The following RPS6KA3 variants were observed in gnomAD, a reference collection of about 807,000 sequenced individuals.
RPS6KA3 encodes ribosomal protein S6 kinase alpha-3.
Under a neutral mutation model 67.2 loss-of-function variants are expected in RPS6KA3, and 4 were observed. The ratio of observed to expected loss-of-function variants is 0.06; its 90% confidence interval spans 0.03 to 0.14. The LOEUF (loss-of-function observed/expected upper bound fraction) is 0.14, where lower values mean the gene tolerates loss of function less well. Among genes scored for constraint, RPS6KA3 ranks in the 10% least tolerant of loss-of-function variants. The pLI is 1.00. For synonymous variants in RPS6KA3, 182 were observed against 183.7 expected (o/e 0.99, Z 0.07); for missense variants, 204 against 559.0 (o/e 0.36, Z 6.40).
chrX:20,159,178 A>T (rs768758255), intron 20 of RPS6KA3, among the ~76,000 whole-genome samples: 1 of 112,280 alleles, frequency 8.9e-6, no homozygotes, highest in Non-Finnish European at 1.9e-5. Context: ...ATTTGGCTCA[A>T]ATTCCATCAC....
At position 20,187,877 on chromosome X, in the gene RPS6KA3, C is replaced by T. The variant is rs1431378578; in HGVS notation, c.725G>A (p.Arg242His). The part of the protein sequence containing the change: ...VEYMAPEVVN[R>H]RGHTQSADWW... The stretch of plus-strand genomic sequence containing the variant: ...GTCAGCACTCTGAGTATGACCTCGA[C>T]GATTAACTACTTCTGGAGCCATATA... Residue 242 changes from arginine (R) to histidine (H), a missense_variant, in exon 9 of 22, where the codon CGT (arginine) becomes CAT (histidine). By Grantham distance (29) the Arg-to-His change is conservative. Around this residue, in one of 4 missense-constraint regions of RPS6KA3, gnomAD observed 76 missense variants for 250.3 expected, o/e 0.30. Coordinates refer to ENST00000379565, the MANE Select transcript of RPS6KA3 (RefSeq NM_004586.3). 1 of 1,202,602 alleles carries T rather than the reference C, an allele frequency of 8.3e-7. No homozygotes were observed. Among genetic ancestry groups the T allele is most frequent in the Non-Finnish European group, 1.1e-6 (1 of 888,883 alleles).
intron 16 of RPS6KA3, among the ~76,000 whole-genome samples, chrX:20,168,917 A>G (rs766858660): frequency 8.9e-6 from 1 of 111,938 alleles, no homozygotes; most frequent in African/African-American, 3.2e-5. Flanking sequence ...CAGTGGTGCG[A>G]TAACTGCTCA....
At chrX:20,192,453 A>G (rs764038176) in intron 7 of RPS6KA3, among the ~76,000 whole-genome samples, 28 of 109,910 alleles carry the variant, frequency 2.5e-4, no homozygotes, top group Non-Finnish European at 4.6e-4. Context: ...ATATCTGATC[A>G]TAGAACTGGG....
intron 4 of RPS6KA3, among the ~76,000 whole-genome samples, chrX:20,198,240 T>C (rs1179737332): frequency 1.8e-5 from 2 of 112,075 alleles, no homozygotes; most frequent in Non-Finnish European, 3.8e-5. Context: ...TAGTAGAAGA[T>C]GTGCAAGTGG....
At chrX:20,174,918 C>T (rs1281364896) in intron 14 of RPS6KA3, among the ~76,000 whole-genome samples, 1 of 110,108 alleles carries the variant, frequency 9.1e-6, no homozygotes, top group Non-Finnish European at 1.9e-5. Flanking sequence ...ATGCCCAACT[C>T]ATTTTTGTAT....
At chrX:20,235,736 T>G (rs1158937786) in intron 1 of RPS6KA3, among the ~76,000 whole-genome samples, 3 of 111,202 alleles carry the variant, frequency 2.7e-5, no homozygotes, top group African/African-American at 9.8e-5. Flanking sequence ...AGCACAAACT[T>G]TCAGGAAGGC....
chrX:20,176,987 A>C lies in RPS6KA3; in HGVS notation c.934+9T>G. On this transcript the variant is annotated intron_variant, in intron 11 of 21. Transcript: ENST00000379565. ...CATACAACATAAACAAATTAGTTAA[A>C]ATTTTTACCTAATCTGTTTGCAGGA... is the stretch of plus-strand genomic sequence containing the variant. 1.7e-6 allele frequency: 2 copies of C among 1,162,379 alleles called. No individual in the cohort carries two copies. Among genetic ancestry groups the C allele is most frequent in the Non-Finnish European group, 2.4e-6 (2 of 850,685 alleles).
chrX:20,237,351 ACTTGAGCTAC>A (rs2069438705), intron 1 of RPS6KA3, among the ~76,000 whole-genome samples: 1 of 111,633 alleles, frequency 9.0e-6, no homozygotes, highest in Non-Finnish European at 1.9e-5. Flanking sequence ...CCTCAGTCTA[ACTTGAGCTAC>A]ACGTACGTTT....
intron 2 of RPS6KA3, among the ~76,000 whole-genome samples, chrX:20,217,374 C>A (rs748250372): frequency 2.7e-5 from 3 of 112,553 alleles, no homozygotes; most frequent in Non-Finnish European, 5.6e-5. Flanking sequence ...TTATCGAAAA[C>A]CTAATATTGT....
chrX:20,246,383 G>A (rs2069691070), intron 1 of RPS6KA3, among the ~76,000 whole-genome samples: 1 of 110,677 alleles, frequency 9.0e-6, no homozygotes, highest in African/African-American at 3.3e-5. Flanking sequence ...ATCTTGTCAG[G>A]GGAAACGACA....
At chrX:20,190,590 CTT>C (rs1472946938) in intron 7 of RPS6KA3, among the ~76,000 whole-genome samples, 4 of 111,304 alleles carry the variant, frequency 3.6e-5, no homozygotes, top group African/African-American at 9.8e-5. Flanking sequence ...AATGTTTAAT[CTT>C]ATGTTTATAG....
intron 15 of RPS6KA3, 101 bp from the exon 16 acceptor site, chrX:20,169,592 G>GT (rs1569198637): frequency 1.8e-6 from 1 of 564,048 alleles, no homozygotes; most frequent in Non-Finnish European, 3.2e-6. Context: ...TGTAAATAGT[G>GT]TATAAATAAG....
chrX:20,219,978 C>A (rs976875907), intron 2 of RPS6KA3, among the ~76,000 whole-genome samples: 6 of 111,236 alleles, frequency 5.4e-5, no homozygotes, highest in African/African-American at 2.0e-4. Flanking sequence ...CTAGAAAATA[C>A]CAAGAATAAT....
At chrX:20,254,630 A>G (rs1205954900) in intron 1 of RPS6KA3, among the ~76,000 whole-genome samples, 1 of 112,515 alleles carries the variant, frequency 8.9e-6, no homozygotes, top group Non-Finnish European at 1.9e-5. Flanking sequence ...TACATATACA[A>G]GGAACTTCCC....
At position 20,177,097 on chromosome X, in the gene RPS6KA3, T is replaced by C. The variant is rs1569205765; in HGVS notation, c.846-13A>G. 8.8e-7 allele frequency: 1 copy of C among 1,130,838 alleles called. No homozygotes were observed. The highest frequency in any genetic ancestry group is 1.2e-6 in the Non-Finnish European group (1 of 823,896). 93.2% of individuals were successfully genotyped at this position (1,130,838 alleles called of 1,213,427 possible). Reference sequence around the variant, plus strand: ...TCCAAGTTTGGCTCTAAATAATAAATCCACATAATATTTTATTTTTTGGAG... The same window carrying C: ...TCCAAGTTTGGCTCTAAATAATAAACCCACATAATATTTTATTTTTTGGAG... On this transcript the variant is annotated splice_polypyrimidine_tract_variant and intron_variant, in intron 10 of 21. Transcript: ENST00000379565.
At chrX:20,156,726 G>T (rs1158345074) in intron 20 of RPS6KA3, among the ~76,000 whole-genome samples, 2 of 110,478 alleles carry the variant, frequency 1.8e-5, no homozygotes, top group Non-Finnish European at 3.8e-5. Flanking sequence ...AGTAGAGATG[G>T]GGTTTCATCA....
chrX:20,230,766 G>C (rs1041392121), intron 2 of RPS6KA3, among the ~76,000 whole-genome samples: 1 of 111,016 alleles, frequency 9.0e-6, no homozygotes, highest in Admixed American at 9.6e-5. Context: ...CAATTTGTTT[G>C]ATTTCTGAAA....
chrX:20,263,629 A>G (rs1481480663), intron 1 of RPS6KA3, among the ~76,000 whole-genome samples: 1 of 111,931 alleles, frequency 8.9e-6, no homozygotes, highest in Non-Finnish European at 1.9e-5. Context: ...AAGGAACTGA[A>G]GAAACTGCCT....
chrX:20,192,582 T>A (rs2068161613), intron 7 of RPS6KA3, among the ~76,000 whole-genome samples: 1 of 100,546 alleles, frequency 9.9e-6, no homozygotes. Flanking sequence ...TGGAAAAAAA[T>A]GTAAATTTTC....
Sources: allele counts gnomAD v4.1 joint callset (sites outside exome capture counted in the v4.1 genomes callset), GRCh38; gene constraint gnomAD v4.1.1; regional missense constraint gnomAD v4.1.1; transcripts MANE v1.5; gene names NCBI Gene and HGNC (gene_info 2026-07-23, HGNC 2026-07-21).